PPARGC1B: variants seen among roughly 807,000 people sequenced by gnomAD.
PPARGC1B encodes peroxisome proliferator-activated receptor gamma coactivator 1-beta.
PPARGC1B carries 34 observed loss-of-function variants against 101.6 expected under a neutral mutation model. The ratio of observed to expected loss-of-function variants is 0.33; its 90% CI spans 0.25 to 0.45. The LOEUF is 0.45. Among genes scored for constraint, PPARGC1B ranks in the 20% least tolerant of loss-of-function variants. The pLI is 1.00. For synonymous variants in PPARGC1B, 548 were observed against 539.3 expected (o/e 1.02, Z -0.22); for missense variants, 1,234 against 1,317.6 (o/e 0.94, Z 0.98).
chr5:149,788,960 A>T (rs1756908167), intron 1 of PPARGC1B, among the ~76,000 whole-genome samples: 1 of 152,200 alleles, frequency 6.6e-6, no homozygotes, highest in South Asian at 2.1e-4. Context: ...TAACATTAGG[A>T]GATACACCTA....
In PPARGC1B at chr5:149,837,438, C is replaced by T. The variant is rs1450440282; in HGVS notation, c.2618+365C>T. Among the ~76,000 whole-genome samples, 1 of 152,232 alleles carries T rather than the reference C, an allele frequency of 6.6e-6. No individual in the cohort carries two copies. Among genetic ancestry groups the T allele is most frequent in the Non-Finnish European group, 1.5e-5 (1 of 68,034 alleles). Reference sequence around the variant, plus strand: ...TAAAATGGATAAGTTTTTGTGCAAACATACCTGCCCCAACAGTTTGAATTC... The same window carrying T: ...TAAAATGGATAAGTTTTTGTGCAAATATACCTGCCCCAACAGTTTGAATTC... On this transcript the variant is annotated intron_variant, in intron 8 of 11. Transcript: ENST00000309241. This position sits in a 1 kb window ranked among gnomAD's most constrained non-coding sequence, Gnocchi z 4.2.
At chr5:149,785,915 C>CTTTT (rs10622982) in intron 1 of PPARGC1B, among the ~76,000 whole-genome samples, 14 of 140,398 alleles carry the variant, frequency 1.0e-4, no homozygotes, top group Non-Finnish European at 7.7e-5. Context: ...GACACTCATT[C>CTTTT]TTTTTTTTTT....
chr5:149,762,155 GT>G (rs145066643), intron 1 of PPARGC1B, among the ~76,000 whole-genome samples: 42,354 of 133,496 alleles, frequency 0.32, 6,670 homozygotes, highest in Non-Finnish European at 0.37. Context: ...AATCCCATGG[GT>G]TTTTTTTTTT....
At chr5:149,776,017 A>G (rs896625191) in intron 1 of PPARGC1B, among the ~76,000 whole-genome samples, 3 of 152,204 alleles carry the variant, frequency 2.0e-5, no homozygotes, top group African/African-American at 7.2e-5. Flanking sequence ...TCAAGAATAC[A>G]TAGACTGCCC....
intron 1 of PPARGC1B, among the ~76,000 whole-genome samples, chr5:149,735,792 T>C (rs1382274398): frequency 6.6e-6 from 1 of 152,206 alleles, no homozygotes; most frequent in African/African-American, 2.4e-5. Context: ...TCAGTGTTTT[T>C]CTAGCACCTT....
chr5:149,850,000 CTAAGT>C lies in PPARGC1B; in HGVS notation c.*2448_*2452del, dbSNP rs1759710766. 6.6e-6 allele frequency: 1 copy of C among 152,234 alleles called. No individual in the cohort carries two copies. The highest frequency in any genetic ancestry group is 2.4e-5 in the African/African-American group (1 of 41,442). The allele number at this position is 152,234 out of a possible 1,614,324, so 9.4% of individuals were successfully genotyped here. The stretch of plus-strand genomic sequence containing the variant: ...AATTTAGATCTTTCTGCTGCCTCCA[CTAAGT>C]TAAGTCCTGATTTACATCAAGGAGA... On this transcript the variant is annotated 3_prime_UTR_variant, in exon 12 of 12. Coordinates refer to ENST00000309241, the MANE Select transcript of PPARGC1B (RefSeq NM_133263.4).
chr5:149,771,982 G>A, intron 1 of PPARGC1B: 9 of 1,419,934 alleles, frequency 6.3e-6, no homozygotes, highest in Non-Finnish European at 8.3e-6. Context: ...ATTAGTTGCT[G>A]TTATCCCAGA....
intron 1 of PPARGC1B, among the ~76,000 whole-genome samples, chr5:149,813,312 CG>C (rs1561573870): frequency 6.6e-6 from 1 of 152,162 alleles, no homozygotes; most frequent in East Asian, 1.9e-4. Flanking sequence ...AGCTGGCAGT[CG>C]GGCAGGACTT....
In PPARGC1B at chr5:149,852,145, A is replaced by C. The variant is rs2113467188; in HGVS notation, c.*4587A>C. The C allele has an allele frequency of 6.6e-6, 1 of 152,324 alleles. No individual in the cohort carries two copies. Among genetic ancestry groups the C allele is most frequent in the Non-Finnish European group, 1.5e-5 (1 of 68,052 alleles). 9.4% of individuals were successfully genotyped at this position (152,324 alleles called of 1,614,324 possible). On this transcript the variant is annotated 3_prime_UTR_variant, in exon 12 of 12. Coordinates refer to ENST00000309241, the MANE Select transcript of PPARGC1B (RefSeq NM_133263.4). ...TTGAAACAGGGAGCCATGGGTTTAG[A>C]TCTTGGTACCTACCTTTACAGAAAG...
At chr5:149,834,277 C>G (rs1198258382) in intron 5 of PPARGC1B, among the ~76,000 whole-genome samples, 1 of 152,336 alleles carries the variant, frequency 6.6e-6, no homozygotes, top group African/African-American at 2.4e-5. Flanking sequence ...AGAAGGCTCT[C>G]TGGTAGGGAC....
chr5:149,845,308 C>T (rs968430844), intron 10 of PPARGC1B, among the ~76,000 whole-genome samples: 64 of 152,250 alleles, frequency 4.2e-4, no homozygotes, highest in African/African-American at 1.5e-3. Flanking sequence ...GTAGTATAGG[C>T]AGGGGAATGG....
intron 1 of PPARGC1B, among the ~76,000 whole-genome samples, chr5:149,768,126 A>G (rs1755986848): frequency 6.6e-6 from 1 of 151,956 alleles, no homozygotes; most frequent in African/African-American, 2.4e-5. Context: ...CAGGGATAGG[A>G]TGTTGGAAAT....
chr5:149,781,432 G>A (rs968939635), intron 1 of PPARGC1B, among the ~76,000 whole-genome samples: 2 of 152,184 alleles, frequency 1.3e-5, no homozygotes, highest in African/African-American at 4.8e-5. Flanking sequence ...GCCTCCCCAT[G>A]CCTCAGTTTC....
At chr5:149,774,620 C>T (rs1465431200) in intron 1 of PPARGC1B, among the ~76,000 whole-genome samples, 2 of 151,768 alleles carry the variant, frequency 1.3e-5, no homozygotes, top group African/African-American at 4.8e-5. Flanking sequence ...ATGCAGGCCA[C>T]ACCTCTTAGG....
rs567779716 is a variant in PPARGC1B at position 149,851,166 on chromosome 5, G to A, written c.*3608G>A. On this transcript the variant is annotated 3_prime_UTR_variant, in exon 12 of 12. Coordinates refer to ENST00000309241, the MANE Select transcript of PPARGC1B (RefSeq NM_133263.4). Reference sequence around the variant, plus strand: ...AAAGACCCAGTACTCAAGTTCTGACGTGGGAGGAGATGCAGTGAGACGTCT... The same window carrying A: ...AAAGACCCAGTACTCAAGTTCTGACATGGGAGGAGATGCAGTGAGACGTCT... 3.8e-4 allele frequency: 58 copies of A among 152,370 alleles called. No individual in the cohort carries two copies. Among genetic ancestry groups the A allele is most frequent in the Admixed American group, 9.1e-4 (14 of 15,304 alleles). 9.4% of individuals were successfully genotyped at this position (152,370 alleles called of 1,614,324 possible). A position where few individuals can be genotyped will look rare whatever the true frequency, so the allele number is the denominator to read the frequency against.
intron 1 of PPARGC1B, among the ~76,000 whole-genome samples, chr5:149,795,343 C>T (rs1193993450): frequency 6.6e-6 from 1 of 152,118 alleles, no homozygotes; most frequent in East Asian, 1.9e-4. Context: ...AAAAGGGGAC[C>T]TATCTCATGA....
chr5:149,803,712 G>A (rs943334811), intron 1 of PPARGC1B, among the ~76,000 whole-genome samples: 41 of 152,142 alleles, frequency 2.7e-4, no homozygotes, highest in African/African-American at 9.9e-4. Flanking sequence ...CTGCTGCAGT[G>A]CCACCCCCAC....
At chr5:149,834,096 A>G (rs932658807) in intron 5 of PPARGC1B, among the ~76,000 whole-genome samples, 2 of 152,206 alleles carry the variant, frequency 1.3e-5, no homozygotes, top group Non-Finnish European at 2.9e-5. Context: ...TGTAAAGAAG[A>G]CTCACTGGGG....
intron 10 of PPARGC1B, among the ~76,000 whole-genome samples, chr5:149,845,078 A>G (rs886630651): frequency 1.3e-5 from 2 of 152,190 alleles, no homozygotes; most frequent in Non-Finnish European, 2.9e-5. Flanking sequence ...AGGAAGGGCC[A>G]TTGTCACGTG....
Sources: allele counts gnomAD v4.1 joint callset (sites outside exome capture counted in the v4.1 genomes callset), GRCh38; gene constraint gnomAD v4.1.1; non-coding constraint Gnocchi (gnomAD v3.1); transcripts MANE v1.5; gene names NCBI Gene and HGNC (gene_info 2026-07-23, HGNC 2026-07-21).